The following FLNA variants were observed in gnomAD, a reference collection of about 807,000 sequenced individuals.
FLNA encodes filamin-A.
FLNA carries 7 observed loss-of-function variants against 157.6 expected under a neutral mutation model. The ratio of observed to expected loss-of-function variants is 0.04; its 90% CI spans 0.03 to 0.08. The LOEUF (loss-of-function observed/expected upper bound fraction) is 0.08. Among genes scored for constraint, FLNA ranks in the 10% least tolerant of loss-of-function variants. The probability of loss-of-function intolerance (pLI) is 1.00; values close to 1 mark genes in which losing one functional copy is unlikely to be tolerated. For synonymous variants in FLNA, 1,103 were observed against 1,060.8 expected (o/e 1.04, Z -0.77); for missense variants, 1,750 against 2,398.4 (o/e 0.73, Z 5.65).
rs368570394 is a variant in FLNA at position 154,359,181 on chromosome X, G to C, written c.4304-27C>G. On this transcript the variant is annotated intron_variant, in intron 25 of 47. Transcript: ENST00000369850. ...TGAGGGTTGGGGCAAAGGGATGGCG[G>C]CTGTATGAGACAGGGTGGGGACGAG... The C allele has an allele frequency of 1.0e-4, 127 of 1,209,832 alleles. No homozygotes were observed. In the African/African-American group the frequency reaches 2.2e-3, roughly 21 times the overall value.
Position 154,365,558 on chromosome X carries a change from G to A in FLNA, c.1430-72C>T, listed in dbSNP as rs1216525529. ...CCCCTCCCTTGCCTCCCACAGGGCC[G>A]GGCTGTCAGGATTGGTGGGTCCCTC... On this transcript the variant is annotated intron_variant, in intron 9 of 47. Transcript: ENST00000369850. 46 of 1,137,026 alleles carry A rather than the reference G, an allele frequency of 4.0e-5. 1 individual carries two copies. The highest frequency in any genetic ancestry group is 8.9e-5 in the African/African-American group (5 of 56,047). The allele number at this position is 1,137,026 out of a possible 1,213,427, so 93.7% of individuals were successfully genotyped here.
At position 154,354,944 on chromosome X, in the gene FLNA, C is replaced by T. The variant is rs782351877; in HGVS notation, c.5098G>A (p.Val1700Met). 8 of 1,211,348 alleles carry T rather than the reference C, an allele frequency of 6.6e-6. No homozygotes were observed. In the Admixed American group the frequency reaches 1.5e-4, roughly 23 times the overall value. The stretch of plus-strand genomic sequence containing the variant: ...AAAGTGCCGTCCTCATTCTCCACCA[C>T]GTCCACATCCACCTCTGAGCCATCA... ...TPDGSEVDVD[V>M]VENEDGTFDI... The change falls in exon 31 of 48, where the codon GTG becomes ATG. Residue 1700 changes from valine (V) to methionine (M), a missense_variant. By Grantham distance (21) the Val-to-Met change is conservative. Transcript: ENST00000369850.
intron 2 of FLNA, among the ~76,000 whole-genome samples, 177 bp downstream of exon 2, chrX:154,370,696 C>T (rs2067799244): frequency 8.9e-6 from 1 of 112,933 alleles, no homozygotes; most frequent in Admixed American, 9.2e-5. Context: ...CCCGGCCGGC[C>T]AGCCAGCCAG....
intron 2 of FLNA, 91 bp from the exon 3 acceptor site, chrX:154,368,181 A>G: frequency 8.7e-7 from 1 of 1,153,304 alleles, no homozygotes; most frequent in East Asian, 3.0e-5. Flanking sequence ...AGCACGGGGT[A>G]GCAGGGGCCA....
At chrX:154,360,710 G>A (rs992591729) in intron 21 of FLNA, 123 bp from the exon 22 acceptor site, 99 of 636,687 alleles carry the variant, frequency 1.6e-4, no homozygotes, top group Middle Eastern at 3.2e-4. Context: ...GGACACGGGC[G>A]GGCCCAGGCT....
At chrX:154,351,331 C>T (rs2067617292) in intron 43 of FLNA, 1 of 438,234 alleles carries the variant, frequency 2.3e-6, no homozygotes, top group African/African-American at 2.5e-5. Context: ...AAACCGCAGC[C>T]CTGGTGCTCA....
At chrX:154,368,616 G>A (rs782043840) in intron 2 of FLNA, among the ~76,000 whole-genome samples, 109 of 112,514 alleles carry the variant, frequency 9.7e-4, no homozygotes, top group African/African-American at 3.3e-3. Flanking sequence ...AGGGTGGGTG[G>A]GGTGAGGCAG....
In FLNA at chrX:154,352,581, A is replaced by G; in HGVS notation, c.6474T>C (p.Ser2158=). Residue 2158 remains serine, a synonymous_variant, in exon 40 of 48, where the codon AGT becomes AGC. Coordinates refer to ENST00000369850, the MANE Select transcript of FLNA (RefSeq NM_001110556.2). ...GGATTTTCAGGCTGAGGTCACAATG[A>G]CTACCAACGTTGGCCACTGAAGGAG... ...RRAPSVANVG[S]HCDLSLKIPE... The G allele has an allele frequency of 8.3e-7, 1 of 1,211,155 alleles. No individual in the cohort carries two copies. The highest frequency in any genetic ancestry group is 1.1e-6 in the Non-Finnish European group (1 of 895,427).
intron 15 of FLNA, 51 bp from the exon 16 acceptor site, chrX:154,362,835 C>G: frequency 8.7e-7 from 1 of 1,151,087 alleles, no homozygotes; most frequent in African/African-American, 1.8e-5. Flanking sequence ...GGAGGAGACT[C>G]AGAAGCTCCC....
chrX:154,350,112 T>A lies in FLNA; in HGVS notation c.7252A>T (p.Ile2418Phe). 8.3e-7 allele frequency: 1 copy of A among 1,211,234 alleles called. No homozygotes were observed. ...CCATGCCCAGGCTCCCCAACTCGGA[T>A]CTTGAAGGGGCTTCCAGGGATGTGG... is the stretch of plus-strand genomic sequence containing the variant. ...GTHIPGSPFKIRVGEPGHGGD... is the reference protein window; with the variant it reads ...GTHIPGSPFKFRVGEPGHGGD... Residue 2418 changes from isoleucine (I) to phenylalanine (F), a missense_variant, in exon 45 of 48, where the codon ATC becomes TTC. Transcript: ENST00000369850.
intron 28 of FLNA, 48 bp from the exon 29 acceptor site, chrX:154,357,671 C>G: frequency 8.9e-7 from 1 of 1,119,059 alleles, no homozygotes; most frequent in Non-Finnish European, 1.2e-6. Flanking sequence ...CCGAGTAGCC[C>G]CGGGCCTGCC....
Position 154,353,970 on chromosome X carries a change from A to G in FLNA, c.5631T>C (p.His1877=). 2.5e-6 allele frequency: 3 copies of G among 1,211,416 alleles called. No homozygotes were observed. Among genetic ancestry groups the G allele is most frequent in the Non-Finnish European group, 3.4e-6 (3 of 895,011 alleles). The change falls in exon 35 of 48, where the codon CAT becomes CAC. Residue 1877 remains histidine, a synonymous_variant. Transcript: ENST00000369850. ...HVTAYGPGLT[H]GVVNKPATFT... ...AGGTGGCAGGCTTGTTCACTACTCC[A>G]TGGGTGAGGCCAGGCCCATAGGCAG...
intron 31 of FLNA, 45 bp downstream of exon 31, chrX:154,354,780 G>A (rs782465857): frequency 1.7e-6 from 2 of 1,209,617 alleles, no homozygotes; most frequent in Admixed American, 2.2e-5. Context: ...AACAGGCCGG[G>A]ACCTGCCAGA....
intron 5 of FLNA, 118 bp downstream of exon 5, chrX:154,367,279 C>G: frequency 2.5e-6 from 2 of 807,712 alleles, no homozygotes; most frequent in Admixed American, 2.8e-5. Flanking sequence ...TCTTGGGTGG[C>G]TTGATCACCT....
In FLNA at chrX:154,359,128, C is replaced by T. The variant is rs1557177410; in HGVS notation, c.4330G>A (p.Asp1444Asn). Residue 1444 changes from aspartate (D) to asparagine (N), a missense_variant, in exon 26 of 48, where the codon GAT becomes AAT. Physicochemically the swap from Asp to Asn is conservative, Grantham distance 23 (BLOSUM62 1). This residue lies in a region of FLNA where 970 missense variants were observed against 1,302.6 expected (regional missense o/e 0.74). Coordinates refer to ENST00000369850, the MANE Select transcript of FLNA (RefSeq NM_001110556.2). ...TTGACCTTGGACGCATCTGTCACATCATGCACAGGGACCTTGAAAGGACTG... is the reference window on the plus strand; with the variant it reads ...TTGACCTTGGACGCATCTGTCACATTATGCACAGGGACCTTGAAAGGACTG... ...PGSPFKVPVHDVTDASKVKCS... is the reference protein window; with the variant it reads ...PGSPFKVPVHNVTDASKVKCS... 3 of 1,211,487 alleles carry T rather than the reference C, an allele frequency of 2.5e-6. No individual in the cohort carries two copies. The highest frequency in any genetic ancestry group is 3.0e-5 in the East Asian group (1 of 33,869).
chrX:154,372,514 G>C (rs1391654899), intron 1 of FLNA, among the ~76,000 whole-genome samples: 1 of 111,436 alleles, frequency 9.0e-6, no homozygotes, highest in Non-Finnish European at 1.9e-5. Flanking sequence ...AGCTGTGGGG[G>C]CTCTTCACTC....
chrX:154,353,917 T>C lies in FLNA; in HGVS notation c.5684A>G (p.Glu1895Gly). The C allele has an allele frequency of 2.5e-6, 3 of 1,212,000 alleles. No individual in the cohort carries two copies. Among genetic ancestry groups the C allele is most frequent in the Non-Finnish European group, 3.4e-6 (3 of 895,510 alleles). Residue 1895 changes from glutamate (E) to glycine (G), a missense_variant and splice_region_variant, in exon 35 of 48, where the codon GAG becomes GGG. Physicochemically the swap from Glu to Gly is moderately conservative, Grantham distance 98 (BLOSUM62 -2). Transcript: ENST00000369850. ...TCAAGACCAGAGCTATTGCTCACCC[T>C]CTCCTGCATCCTTGGTGTTGACGGT... ...TFTVNTKDAGEGGLSLAIEGP... is the reference protein window; with the variant it reads ...TFTVNTKDAGGGGLSLAIEGP...
Position 154,364,782 on chromosome X carries a change from G to A in FLNA, c.1828+39C>T, listed in dbSNP as rs743545. ...CTCAGGGTGGGCCGTCCTTGCCATCGTCTGTCCCCAGGTGCCCATGCTGCA... is the reference window on the plus strand; with the variant it reads ...CTCAGGGTGGGCCGTCCTTGCCATCATCTGTCCCCAGGTGCCCATGCTGCA... On this transcript the variant is annotated intron_variant, in intron 12 of 47. Coordinates refer to ENST00000369850, the MANE Select transcript of FLNA (RefSeq NM_001110556.2). 0.013 allele frequency: 15,367 copies of A among 1,206,751 alleles called. 1,223 individuals are homozygous for A. The African/African-American group carries it at 0.24, about 19-fold the overall frequency.
At chrX:154,368,827 G>A (rs1007499571) in intron 2 of FLNA, among the ~76,000 whole-genome samples, 1 of 113,078 alleles carries the variant, frequency 8.8e-6, no homozygotes, top group Non-Finnish European at 1.9e-5. Flanking sequence ...GGGAGATGCC[G>A]GGGTGGCAGC....
Sources: gnomAD v4.1 joint callset for allele counts (sites outside exome capture counted in the v4.1 genomes callset) on GRCh38, gnomAD v4.1.1 for gene constraint, gnomAD v4.1.1 regional missense constraint, MANE v1.5 for transcripts, NCBI Gene and HGNC (gene_info 2026-07-23, HGNC 2026-07-21) for gene names.